Variants in SGCZ observed in about 807,000 individuals in gnomAD.
SGCZ encodes zeta-sarcoglycan.
In SGCZ, 40 loss-of-function variants were observed where a neutral mutation model predicts 41.3. The observed-to-expected ratio is 0.97, with a 90% CI of 0.75 to 1.26. The LOEUF (loss-of-function observed/expected upper bound fraction) is 1.26, where lower values mean the gene tolerates loss of function less well. Ranked by LOEUF, SGCZ falls within the 50% of genes most tolerant of loss-of-function variation. The pLI, the probability that SGCZ is intolerant of heterozygous loss-of-function variation, is 0.00. For missense variants in SGCZ, 552 were observed against 369.8 expected (o/e 1.49, Z -4.04); for synonymous variants, 206 against 137.5 (o/e 1.50, Z -3.49).
At chr8:15,064,731 C>T (rs1381034292) in intron 1 of SGCZ, among the ~76,000 whole-genome samples, 1 of 151,986 alleles carries the variant, frequency 6.6e-6, no homozygotes, top group African/African-American at 2.4e-5. Context: ...CTCTATAAAC[C>T]CCTAGTTTGG....
chr8:14,999,434 G>A (rs537849433), intron 1 of SGCZ, among the ~76,000 whole-genome samples: 1 of 152,128 alleles, frequency 6.6e-6, no homozygotes, highest in Non-Finnish European at 1.5e-5. Flanking sequence ...GGCAAAGGAG[G>A]AGGAGGAAGA....
chr8:14,634,666 A>G (rs1806770032), intron 1 of SGCZ, among the ~76,000 whole-genome samples: 2 of 151,874 alleles, frequency 1.3e-5, no homozygotes. Flanking sequence ...GGAATACCCT[A>G]TGGATATTAA....
At chr8:14,342,559 C>A (rs540050374) in intron 2 of SGCZ, among the ~76,000 whole-genome samples, 10 of 152,220 alleles carry the variant, frequency 6.6e-5, no homozygotes, top group Admixed American at 6.5e-5. Flanking sequence ...TGGTGATCCA[C>A]CTGCCTTAGC....
chr8:14,943,106 A>C (rs190233158), intron 1 of SGCZ, among the ~76,000 whole-genome samples: 143 of 152,282 alleles, frequency 9.4e-4, no homozygotes, highest in Non-Finnish European at 6.8e-4. Context: ...AATATACAAA[A>C]AGTGATTCAC....
intron 1 of SGCZ, among the ~76,000 whole-genome samples, chr8:14,769,136 A>C (rs1800143094): frequency 6.6e-6 from 1 of 152,162 alleles, no homozygotes; most frequent in African/African-American, 2.4e-5. Flanking sequence ...TAAGGAATGA[A>C]GCATAGCAGA....
chr8:14,636,538 T>A (rs1806833793), intron 1 of SGCZ, among the ~76,000 whole-genome samples: 1 of 151,880 alleles, frequency 6.6e-6, no homozygotes, highest in African/African-American at 2.4e-5. Flanking sequence ...CTTGTCAGAA[T>A]TTTTGCTTAG....
At chr8:15,063,341 T>C (rs1054266092) in intron 1 of SGCZ, among the ~76,000 whole-genome samples, 4 of 152,164 alleles carry the variant, frequency 2.6e-5, no homozygotes, top group African/African-American at 9.6e-5. Flanking sequence ...ATATTGTTCT[T>C]CTATTGGGAT....
intron 2 of SGCZ, among the ~76,000 whole-genome samples, chr8:14,400,140 C>CT (rs2117243087): frequency 6.6e-6 from 1 of 152,186 alleles, no homozygotes; most frequent in South Asian, 2.1e-4. Flanking sequence ...TGAGTAGCTT[C>CT]TTTCACTTGG....
intron 1 of SGCZ, among the ~76,000 whole-genome samples, chr8:14,630,229 T>C (rs1806600200): frequency 7.3e-6 from 1 of 136,576 alleles, no homozygotes; most frequent in Non-Finnish European, 1.6e-5. Flanking sequence ...TTTTCACATG[T>C]GTTTTGATTT....
chr8:15,155,282 C>T (rs537921090), intron 1 of SGCZ, among the ~76,000 whole-genome samples: 1 of 152,052 alleles, frequency 6.6e-6, no homozygotes, highest in African/African-American at 2.4e-5. Context: ...GTGACAGACC[C>T]AGACCCTGTC....
At chr8:15,144,795 G>C (rs1484122689) in intron 1 of SGCZ, among the ~76,000 whole-genome samples, 1 of 152,170 alleles carries the variant, frequency 6.6e-6, no homozygotes, top group Admixed American at 6.5e-5. Flanking sequence ...ACTTCTGTTA[G>C]TTTGCAGGGA....
rs775371828 is a variant in SGCZ at position 14,873,547 on chromosome 8, G to T, written c.40-318621C>A. ...ACAGATGTCAATCACTTGAGATCAA[G>T]AGTAGCCGTTACATGACTATGCATT... On this transcript the variant is annotated intron_variant, in intron 1 of 7. Transcript: ENST00000382080. Among the ~76,000 whole-genome samples, 16 of 152,072 alleles carry T rather than the reference G, an allele frequency of 1.1e-4. 1 individual carries two copies. Among genetic ancestry groups the T allele is most frequent in the Non-Finnish European group, 4.4e-5 (3 of 68,012 alleles).
At chr8:15,128,334 C>G (rs558726964) in intron 1 of SGCZ, among the ~76,000 whole-genome samples, 56 of 152,194 alleles carry the variant, frequency 3.7e-4, no homozygotes, top group Non-Finnish European at 6.0e-4. Flanking sequence ...GATTTGGGGC[C>G]CATTTATTCT....
At chr8:14,343,084 G>T (rs948170824) in intron 2 of SGCZ, among the ~76,000 whole-genome samples, 11 of 152,216 alleles carry the variant, frequency 7.2e-5, no homozygotes, top group Non-Finnish European at 1.5e-4. Flanking sequence ...ATGGTGTTGA[G>T]CCTACAGGTG....
At chr8:15,194,461 G>A (rs561600837) in intron 1 of SGCZ, among the ~76,000 whole-genome samples, 4 of 152,176 alleles carry the variant, frequency 2.6e-5, no homozygotes, top group African/African-American at 9.6e-5. Context: ...TCCCGAAAAC[G>A]CATGAATATG....
intron 2 of SGCZ, among the ~76,000 whole-genome samples, chr8:14,341,916 T>C (rs1187798599): frequency 6.6e-6 from 1 of 152,218 alleles, no homozygotes; most frequent in East Asian, 1.9e-4. Flanking sequence ...GGTCTGGCTT[T>C]ATCAGCAGTG....
intron 2 of SGCZ, among the ~76,000 whole-genome samples, chr8:14,423,322 A>T (rs1799686494): frequency 1.4e-5 from 2 of 143,418 alleles, no homozygotes; most frequent in Admixed American, 1.4e-4. Context: ...TAATAATAAA[A>T]AAAGAAAAAA....
chr8:14,581,706 A>G (rs1804895034), intron 1 of SGCZ, among the ~76,000 whole-genome samples: 1 of 151,936 alleles, frequency 6.6e-6, no homozygotes, highest in African/African-American at 2.4e-5. Flanking sequence ...ACTTACTGCA[A>G]CTCCCCAAAC....
intron 2 of SGCZ, among the ~76,000 whole-genome samples, chr8:14,425,666 A>G (rs1316535323): frequency 6.6e-6 from 1 of 152,082 alleles, no homozygotes; most frequent in Admixed American, 6.6e-5. Flanking sequence ...TACATCTTAC[A>G]AATGTATTAC....
Sources: allele counts gnomAD v4.1 joint callset (sites outside exome capture counted in the v4.1 genomes callset), GRCh38; gene constraint gnomAD v4.1.1; transcripts MANE v1.5; gene names NCBI Gene and HGNC (gene_info 2026-07-23, HGNC 2026-07-21).